PARD3: variants seen among roughly 807,000 people sequenced by gnomAD.
PARD3 encodes partitioning defective 3 homolog.
Under a neutral mutation model 155.4 loss-of-function variants are expected in PARD3, and 75 were observed. That is an observed-to-expected ratio of 0.48 (90% CI 0.40 to 0.58). The LOEUF is 0.58. PARD3 is among the 20% of genes least tolerant of loss of function. PARD3 has a pLI of 0.00. For missense variants in PARD3, 1,642 were observed against 1,721.7 expected (o/e 0.95, Z 0.82); for synonymous variants, 576 against 610.5 (o/e 0.94, Z 0.83).
chr10:34,476,758 C>G (rs2078733720), intron 3 of PARD3, among the ~76,000 whole-genome samples: 1 of 152,132 alleles, frequency 6.6e-6, no homozygotes, highest in African/African-American at 2.4e-5. Flanking sequence ...AAAAGCACTG[C>G]AAAGCAGTCT....
At chr10:34,302,049 AG>A (rs1476506314) in intron 20 of PARD3, among the ~76,000 whole-genome samples, 2 of 151,788 alleles carry the variant, frequency 1.3e-5, no homozygotes, top group Non-Finnish European at 2.9e-5. Flanking sequence ...AACTTTATCA[AG>A]CTATTCTCTT....
At chr10:34,484,357 G>A (rs1234803929) in intron 3 of PARD3, among the ~76,000 whole-genome samples, 1 of 152,150 alleles carries the variant, frequency 6.6e-6, no homozygotes, top group Non-Finnish European at 1.5e-5. Flanking sequence ...GTAAATATTT[G>A]CTAAATGAAC....
intron 6 of PARD3, among the ~76,000 whole-genome samples, chr10:34,400,825 CTTTT>C (rs5784413): frequency 6.8e-6 from 1 of 146,568 alleles, no homozygotes; most frequent in Non-Finnish European, 1.5e-5. Context: ...TTTTTTATTA[CTTTT>C]TTTTTTTTAC....
chr10:34,565,225 G>A (rs1335901528), intron 2 of PARD3, among the ~76,000 whole-genome samples: 1 of 133,638 alleles, frequency 7.5e-6, no homozygotes. Context: ...CACTACAGAA[G>A]ACCAGATGGT....
chr10:34,112,169 A>G (rs949874840), intron 24 of PARD3, among the ~76,000 whole-genome samples: 6 of 152,140 alleles, frequency 3.9e-5, no homozygotes, highest in Admixed American at 3.3e-4. Context: ...AGCAACTTAC[A>G]CTCTCCGGGA....
intron 22 of PARD3, among the ~76,000 whole-genome samples, chr10:34,267,726 A>G (rs1955394649): frequency 6.6e-6 from 1 of 152,204 alleles, no homozygotes; most frequent in Admixed American, 6.5e-5. Context: ...TGGATGAAGT[A>G]TTTCCCGTAC....
At chr10:34,752,148 G>A (rs952532672) in intron 1 of PARD3, among the ~76,000 whole-genome samples, 10 of 151,876 alleles carry the variant, frequency 6.6e-5, no homozygotes, top group South Asian at 4.2e-4. Context: ...GTTTTCTGTG[G>A]GATGAGAAAA....
intron 3 of PARD3, among the ~76,000 whole-genome samples, chr10:34,483,706 C>A (rs2079252876): frequency 6.6e-6 from 1 of 152,094 alleles, no homozygotes; most frequent in Non-Finnish European, 1.5e-5. Context: ...CAAAACAGTG[C>A]CCGGAAAACT....
At chr10:34,635,472 C>T (rs1215162178) in intron 2 of PARD3, among the ~76,000 whole-genome samples, 1 of 152,192 alleles carries the variant, frequency 6.6e-6, no homozygotes, top group Admixed American at 6.5e-5. Context: ...AGGGGTACGA[C>T]AATGACGGTA....
chr10:34,183,780 T>C (rs1484877299), intron 22 of PARD3, among the ~76,000 whole-genome samples: 4 of 152,212 alleles, frequency 2.6e-5, no homozygotes, highest in Non-Finnish European at 4.4e-5. Context: ...CCCTTTTCTC[T>C]GTATGGGGGA....
chr10:34,550,394 T>C (rs2084445287), intron 2 of PARD3, among the ~76,000 whole-genome samples: 1 of 152,164 alleles, frequency 6.6e-6, no homozygotes, highest in East Asian at 1.9e-4. Context: ...ATATCTGTAG[T>C]AGAGACAGGG....
intron 3 of PARD3, among the ~76,000 whole-genome samples, chr10:34,499,815 T>C (rs1365401105): frequency 6.6e-6 from 1 of 152,180 alleles, no homozygotes; most frequent in Non-Finnish European, 1.5e-5. Flanking sequence ...TGTGGGAGAT[T>C]GGTCCCAGAT....
chr10:34,582,466 A>C (rs1332643108), intron 2 of PARD3, among the ~76,000 whole-genome samples: 1 of 152,246 alleles, frequency 6.6e-6, no homozygotes, highest in Non-Finnish European at 1.5e-5. Flanking sequence ...AAATATGCTC[A>C]CCAATATCCT....
At chr10:34,762,090 A>G (rs936810709) in intron 1 of PARD3, among the ~76,000 whole-genome samples, 3 of 152,060 alleles carry the variant, frequency 2.0e-5, no homozygotes, top group African/African-American at 7.2e-5. Context: ...TTTAAAAAAG[A>G]AAATCACATA....
intron 22 of PARD3, among the ~76,000 whole-genome samples, chr10:34,191,036 G>A (rs911383792): frequency 2.0e-5 from 3 of 152,020 alleles, no homozygotes; most frequent in Non-Finnish European, 4.4e-5. Context: ...CATCAGAAAG[G>A]CTTTAATCAG....
chr10:34,422,381 A>G (rs2075360779), intron 5 of PARD3, among the ~76,000 whole-genome samples: 1 of 152,192 alleles, frequency 6.6e-6, no homozygotes, highest in Non-Finnish European at 1.5e-5. Flanking sequence ...CTTGTCAGAT[A>G]TGAACCCAAA....
At chr10:34,635,048 G>A (rs980284467) in intron 2 of PARD3, among the ~76,000 whole-genome samples, 5 of 152,212 alleles carry the variant, frequency 3.3e-5, no homozygotes, top group Admixed American at 6.5e-5. Context: ...ATGGCATCAC[G>A]ATGGCTCCAC....
chr10:34,223,964 G>C (rs1952453164), intron 22 of PARD3, among the ~76,000 whole-genome samples: 1 of 152,166 alleles, frequency 6.6e-6, no homozygotes, highest in African/African-American at 2.4e-5. Flanking sequence ...TAAATGACAT[G>C]TTTTAAACTA....
chr10:34,287,277 C>A (rs1024486461), intron 20 of PARD3, among the ~76,000 whole-genome samples: 1 of 151,868 alleles, frequency 6.6e-6, no homozygotes, highest in African/African-American at 2.4e-5. Context: ...TGAGGTATTC[C>A]GAAGGTAAAC....
Sources: allele counts gnomAD v4.1 joint callset (sites outside exome capture counted in the v4.1 genomes callset), GRCh38; gene constraint gnomAD v4.1.1; transcripts MANE v1.5; gene names NCBI Gene and HGNC (gene_info 2026-07-23, HGNC 2026-07-21).